The following PIK3CD variants were observed in gnomAD, a reference collection of about 807,000 sequenced individuals.
PIK3CD encodes phosphatidylinositol 4,5-bisphosphate 3-kinase catalytic subunit delta isoform.
Under a neutral mutation model 122.9 loss-of-function variants are expected in PIK3CD, and 20 were observed. The observed-to-expected ratio is 0.16, with a 90% CI of 0.11 to 0.24. PIK3CD has a LOEUF of 0.24. Among genes scored for constraint, PIK3CD ranks in the 10% least tolerant of loss-of-function variants. The pLI is 1.00. For missense variants in PIK3CD, 787 were observed against 1,406.3 expected (o/e 0.56, Z 7.04); for synonymous variants, 596 against 593.4 (o/e 1.00, Z -0.06).
intron 3 of PIK3CD, among the ~76,000 whole-genome samples, chr1:9,714,592 G>A (rs1366678395): frequency 6.6e-6 from 1 of 152,044 alleles, no homozygotes; most frequent in Non-Finnish European, 1.5e-5. Context: ...ACACACCTTG[G>A]ACCCCTCCAG....
In PIK3CD at chr1:9,719,675, G is replaced by T. The variant is rs1447171538; in HGVS notation, c.1243-246G>T. On this transcript the variant is annotated intron_variant, in intron 9 of 23. Transcript: ENST00000377346. The surrounding 1 kb of genome is among the most constrained non-coding windows in gnomAD (Gnocchi z 5.5). ...GACTCCGTCTCAAAAAAAAAAAAAAGCCTGAGTAGGGGTGAGGTGGGAACA... is the reference window on the plus strand; with the variant it reads ...GACTCCGTCTCAAAAAAAAAAAAAATCCTGAGTAGGGGTGAGGTGGGAACA... Among the ~76,000 whole-genome samples, 4 of 136,786 alleles carry T rather than the reference G, an allele frequency of 2.9e-5. No homozygotes were observed. The highest frequency in any genetic ancestry group is 2.2e-4 in the South Asian group (1 of 4,540). 89.7% of individuals were successfully genotyped at this position (136,786 alleles called of 152,430 possible). A position where few individuals can be genotyped will look rare whatever the true frequency, so the allele number is the denominator to read the frequency against.
intron 1 of PIK3CD, among the ~76,000 whole-genome samples, chr1:9,666,449 T>C (rs1193360160): frequency 6.6e-6 from 1 of 151,676 alleles, no homozygotes; most frequent in African/African-American, 2.4e-5. Context: ...GCCAGGCTGG[T>C]CTTGAACTCC....
At chr1:9,694,630 T>C (rs1468117545) in intron 2 of PIK3CD, among the ~76,000 whole-genome samples, 1 of 152,036 alleles carries the variant, frequency 6.6e-6, no homozygotes, top group African/African-American at 2.4e-5. Flanking sequence ...TGCCTTTCCC[T>C]TAGATTTGAA....
chr1:9,712,359 CA>C (rs1423113572), intron 3 of PIK3CD, among the ~76,000 whole-genome samples: 1 of 151,974 alleles, frequency 6.6e-6, no homozygotes, highest in East Asian at 1.9e-4. Flanking sequence ...TGGCTCACTG[CA>C]ACCTCCGCCT....
At chr1:9,684,536 CAAAAAAAA>C (rs887585173) in intron 1 of PIK3CD, among the ~76,000 whole-genome samples, 7 of 67,308 alleles carry the variant, frequency 1.0e-4, no homozygotes, top group Non-Finnish European at 2.2e-4. Context: ...GACTCCGTCT[CAAAAAAAA>C]AAAAAAAAGA....
intron 2 of PIK3CD, among the ~76,000 whole-genome samples, chr1:9,695,709 GCA>G (rs1646383556): frequency 1.3e-5 from 2 of 151,928 alleles, no homozygotes; most frequent in African/African-American, 4.8e-5. Flanking sequence ...GGGCGTGGTG[GCA>G]TGTGCCTGTA....
upstream of PIK3CD, among the ~76,000 whole-genome samples, chr1:9,650,312 C>T (rs1644648324): frequency 6.6e-6 from 1 of 152,110 alleles, no homozygotes; most frequent in South Asian, 2.1e-4. Context: ...GTCCCAGCTA[C>T]TCAGGAGGCT....
rs532274429 is a variant in PIK3CD at position 9,715,134 on chromosome 1, G to A, written c.142-407G>A. 1.1e-3 allele frequency among the ~76,000 whole-genome samples: 161 copies of A among 152,266 alleles called. No individual in the cohort carries two copies. The highest frequency in any genetic ancestry group is 1.8e-3 in the Non-Finnish European group (120 of 68,014). Reference sequence around the variant, plus strand: ...AGAGGTTGCAGTGAGCCAGGATTGCGCCACTGCACTCCAACCTGGGCGACA... The same window carrying A: ...AGAGGTTGCAGTGAGCCAGGATTGCACCACTGCACTCCAACCTGGGCGACA... On this transcript the variant is annotated intron_variant, in intron 3 of 23. Transcript: ENST00000377346. The surrounding 1 kb of genome is among the most constrained non-coding windows in gnomAD (Gnocchi z 4.1).
intron 2 of PIK3CD, among the ~76,000 whole-genome samples, chr1:9,706,861 C>T (rs1646852649): frequency 6.7e-6 from 1 of 150,152 alleles, no homozygotes; most frequent in Non-Finnish European, 1.5e-5. Flanking sequence ...TATTGCCAAG[C>T]TGGTGTGTAG....
chr1:9,673,473 C>T lies in PIK3CD; in HGVS notation c.-137-17994C>T, dbSNP rs762290251. Among the ~76,000 whole-genome samples, 7 of 152,012 alleles carry T rather than the reference C, an allele frequency of 4.6e-5. 1 individual carries two copies. Among genetic ancestry groups the T allele is most frequent in the Non-Finnish European group, 8.8e-5 (6 of 67,984 alleles). On this transcript the variant is annotated intron_variant, in intron 1 of 23. Transcript: ENST00000377346. ...ATTGGTTTTCACTATGTTGTTCGGG[C>T]TGATCTCGAACTCCTGACTTCAAGT... is the stretch of plus-strand genomic sequence containing the variant.
intron 1 of PIK3CD, among the ~76,000 whole-genome samples, chr1:9,690,058 C>G (rs1646142998): frequency 6.6e-6 from 1 of 152,164 alleles, no homozygotes; most frequent in Admixed American, 6.5e-5. Flanking sequence ...CACGAGGACG[C>G]GCCTGTTCGG....
chr1:9,707,968 G>T (rs1009408765), intron 2 of PIK3CD, among the ~76,000 whole-genome samples: 1 of 151,186 alleles, frequency 6.6e-6, no homozygotes, highest in Non-Finnish European at 1.5e-5. Flanking sequence ...TAATTTTTTT[G>T]TATTTTTAGT....
rs1187739359 is a variant in PIK3CD at position 9,724,465 on chromosome 1, C to T, written c.2864+44C>T. On this transcript the variant is annotated intron_variant, in intron 22 of 23. Transcript: ENST00000377346. The surrounding 1 kb of genome is among the most constrained non-coding windows in gnomAD (Gnocchi z 7.3). Reference sequence around the variant, plus strand: ...CACCAGATGCCCCTCGGTGTGGGGCCCCAGGGAACAGGGCAGAGGTTCCCA... The same window carrying T: ...CACCAGATGCCCCTCGGTGTGGGGCTCCAGGGAACAGGGCAGAGGTTCCCA... 1 of 1,611,648 alleles carries T rather than the reference C, an allele frequency of 6.2e-7. No homozygotes were observed. The highest frequency in any genetic ancestry group is 8.5e-7 in the Non-Finnish European group (1 of 1,178,350).
chr1:9,703,775 G>A (rs1200155877), intron 2 of PIK3CD, among the ~76,000 whole-genome samples: 1 of 152,154 alleles, frequency 6.6e-6, no homozygotes, highest in African/African-American at 2.4e-5. Flanking sequence ...ATGTGCATTT[G>A]GGAAGTTTCC....
chr1:9,651,654 C>CA (rs748031798), upstream of PIK3CD: 19 of 151,976 alleles, frequency 1.3e-4, no homozygotes, highest in Admixed American at 4.6e-4. Flanking sequence ...GAAAAGGAAA[C>CA]AAAGTGGGAA....
chr1:9,633,827 G>A, the PIK3CD span, among the ~76,000 whole-genome samples: 8 of 152,074 alleles, frequency 5.3e-5, no homozygotes, highest in Non-Finnish European at 1.2e-4. Context: ...TCTACCACTG[G>A]ACAATAGGAG....
chr1:9,672,996 T>C (rs1264553855), intron 1 of PIK3CD, among the ~76,000 whole-genome samples: 2 of 152,152 alleles, frequency 1.3e-5, no homozygotes, highest in Admixed American at 1.3e-4. Context: ...ATTGGTTCCC[T>C]GATCTGCTCT....
intron 1 of PIK3CD, among the ~76,000 whole-genome samples, chr1:9,667,979 C>T (rs966280403): frequency 4.8e-5 from 7 of 146,906 alleles, no homozygotes; most frequent in African/African-American, 1.8e-4. Flanking sequence ...TCTGGAACTC[C>T]TGGGCTCAAG....
chr1:9,724,887 C>T lies in PIK3CD; in HGVS notation c.2948C>T (p.Ala983Val), dbSNP rs975282953. The stretch of plus-strand genomic sequence containing the variant: ...CTCCACCTCTTTGCCCTGATGCGGG[C>T]GGCAGGCCTGCCTGAGCTCAGCTGC... ...LFLHLFALMR[A>V]AGLPELSCSK... The change falls in exon 23 of 24, where the codon GCG (alanine) becomes GTG (valine). Residue 983 changes from alanine to valine, a missense_variant. This residue lies in a region of PIK3CD where 60 missense variants were observed against 129.5 expected (regional missense o/e 0.46). Transcript: ENST00000377346. The surrounding 1 kb of genome is among the most constrained non-coding windows in gnomAD (Gnocchi z 7.3). 6 of 1,613,964 alleles carry T rather than the reference C, an allele frequency of 3.7e-6. No individual in the cohort carries two copies. The highest frequency in any genetic ancestry group is 1.1e-5 in the South Asian group (1 of 91,088).
Sources: gnomAD v4.1 joint callset for allele counts (sites outside exome capture counted in the v4.1 genomes callset) on GRCh38, gnomAD v4.1.1 for gene constraint, gnomAD v4.1.1 regional missense constraint, Gnocchi (gnomAD v3.1) non-coding constraint, MANE v1.5 for transcripts, NCBI Gene and HGNC (gene_info 2026-07-23, HGNC 2026-07-21) for gene names.